Variants in NAALADL2 observed in about 807,000 individuals in gnomAD.
The protein encoded by NAALADL2 is inactive N-acetylated-alpha-linked acidic dipeptidase-like protein 2.
In NAALADL2, 76 loss-of-function variants were observed where a neutral mutation model predicts 87.2. The observed-to-expected ratio is 0.87, with a 90% confidence interval of 0.72 to 1.05. NAALADL2 has a LOEUF of 1.05. NAALADL2 is among the 50% of genes least tolerant of loss of function. The pLI is 0.00. For missense variants in NAALADL2, 1,089 were observed against 945.8 expected, an observed-to-expected ratio of 1.15 and a Z score of -1.99; for synonymous variants, 354 against 331.0, an observed-to-expected ratio of 1.07 and a Z score of -0.75.
intron 12 of NAALADL2, among the ~76,000 whole-genome samples, chr3:175,746,685 A>C (rs1489317082): frequency 6.6e-6 from 1 of 152,196 alleles, no homozygotes; most frequent in Non-Finnish European, 1.5e-5. Context: ...TACCTTTTTC[A>C]TTTGACAAGG....
intron 2 of NAALADL2, among the ~76,000 whole-genome samples, chr3:174,611,217 A>G (rs552961243): frequency 6.6e-6 from 1 of 151,922 alleles, no homozygotes; most frequent in African/African-American, 2.4e-5. Context: ...CTAATGGTAA[A>G]TGATGAGTTA....
intron 4 of NAALADL2, among the ~76,000 whole-genome samples, chr3:175,274,591 G>C (rs1344151438): frequency 6.6e-6 from 1 of 152,096 alleles, no homozygotes; most frequent in African/African-American, 2.4e-5. Context: ...AGTGAGAAAA[G>C]GGAACCTAGT....
chr3:174,577,907 G>T (rs1715715633), intron 2 of NAALADL2, among the ~76,000 whole-genome samples: 1 of 152,006 alleles, frequency 6.6e-6, no homozygotes, highest in African/African-American at 2.4e-5. Flanking sequence ...TTAGTGAAAA[G>T]ATGGAGAATC....
At chr3:175,140,754 T>C (rs536707101) in intron 2 of NAALADL2, among the ~76,000 whole-genome samples, 2 of 152,132 alleles carry the variant, frequency 1.3e-5, no homozygotes, top group Non-Finnish European at 2.9e-5. Context: ...GTAAAGAGGT[T>C]TGGACTTCAT....
At chr3:175,551,854 T>G (rs1214884648) in intron 9 of NAALADL2, among the ~76,000 whole-genome samples, 1 of 141,844 alleles carries the variant, frequency 7.1e-6, no homozygotes, top group Non-Finnish European at 1.5e-5. Context: ...ACCTGGGAGG[T>G]GGAGCTTGCA....
intron 1 of NAALADL2, among the ~76,000 whole-genome samples, chr3:175,093,412 T>TATATATATATATATATATA (rs1720507064): frequency 6.6e-5 from 3 of 45,306 alleles, no homozygotes; most frequent in African/African-American, 1.2e-4. Flanking sequence ...TTCATTTTAT[T>TATATATATATATATATATA]TTTTTATATA....
At chr3:174,928,878 C>T (rs1012930543) in intron 1 of NAALADL2, among the ~76,000 whole-genome samples, 4 of 152,236 alleles carry the variant, frequency 2.6e-5, no homozygotes, top group African/African-American at 9.6e-5. Context: ...TCATGTTTGA[C>T]TCATTGATTA....
At chr3:175,284,467 T>C (rs1754736077) in intron 4 of NAALADL2, among the ~76,000 whole-genome samples, 1 of 152,068 alleles carries the variant, frequency 6.6e-6, no homozygotes, top group Non-Finnish European at 1.5e-5. Flanking sequence ...ATGCAAGACT[T>C]AATGTATGGC....
chr3:174,449,370 A>C (rs1031789143), intron 1 of NAALADL2, among the ~76,000 whole-genome samples: 29 of 152,342 alleles, frequency 1.9e-4, no homozygotes, highest in African/African-American at 7.0e-4. Flanking sequence ...AAAACAAAAA[A>C]CAAAAGCACT....
chr3:175,262,895 G>A (rs1030299462), intron 4 of NAALADL2, among the ~76,000 whole-genome samples: 3 of 149,822 alleles, frequency 2.0e-5, no homozygotes, highest in South Asian at 2.1e-4. Context: ...GACATTTTAT[G>A]AACAAAAATG....
At chr3:174,528,211 A>G (rs1238632664) in intron 1 of NAALADL2, among the ~76,000 whole-genome samples, 1 of 152,200 alleles carries the variant, frequency 6.6e-6, no homozygotes, top group Non-Finnish European at 1.5e-5. Flanking sequence ...CAAAGCAGCA[A>G]TAGTACTGAA....
chr3:174,595,666 C>T (rs1346081198), intron 2 of NAALADL2, among the ~76,000 whole-genome samples: 2 of 152,130 alleles, frequency 1.3e-5, no homozygotes, highest in African/African-American at 2.4e-5. Context: ...GCAGCTTCTC[C>T]CTCTGTTGCT....
intron 10 of NAALADL2, among the ~76,000 whole-genome samples, chr3:175,588,959 A>C (rs1244934825): frequency 1.3e-5 from 2 of 152,236 alleles, no homozygotes; most frequent in Admixed American, 6.5e-5. Flanking sequence ...TACTTTGAAA[A>C]GTTTGTAGAA....
intron 2 of NAALADL2, among the ~76,000 whole-genome samples, chr3:175,147,537 T>C (rs1730918618): frequency 6.6e-6 from 1 of 152,136 alleles, no homozygotes; most frequent in Admixed American, 6.6e-5. Flanking sequence ...TTGTGAATAG[T>C]GCTGCAATGA....
intron 2 of NAALADL2, among the ~76,000 whole-genome samples, chr3:174,639,283 T>C (rs12488434): frequency 0.37 from 56,257 of 152,108 alleles, 11,242 homozygotes; most frequent in Middle Eastern, 0.48. Flanking sequence ...TGTTCACCTG[T>C]ATGTTTATTT....
chr3:175,239,460 G>A (rs1259783914), intron 3 of NAALADL2, among the ~76,000 whole-genome samples: 1 of 152,148 alleles, frequency 6.6e-6, no homozygotes, highest in Non-Finnish European at 1.5e-5. Flanking sequence ...TGAAACACCA[G>A]CAGATGTAGA....
At chr3:174,715,212 C>T (rs1019089530) in intron 2 of NAALADL2, among the ~76,000 whole-genome samples, 1 of 152,074 alleles carries the variant, frequency 6.6e-6, no homozygotes, top group Admixed American at 6.6e-5. Context: ...CTAGTTATAC[C>T]TTCCAACTAT....
At chr3:175,620,591 C>T (rs570779027) in intron 10 of NAALADL2, among the ~76,000 whole-genome samples, 1 of 152,296 alleles carries the variant, frequency 6.6e-6, no homozygotes, top group East Asian at 1.9e-4. Flanking sequence ...AGGAGTAACA[C>T]TCAGTGGCTT....
intron 2 of NAALADL2, among the ~76,000 whole-genome samples, chr3:175,125,534 T>C (rs1246499228): frequency 6.6e-6 from 1 of 152,060 alleles, no homozygotes; most frequent in Non-Finnish European, 1.5e-5. Flanking sequence ...GAAGGTCAAA[T>C]GAACGGGATC....
Sources: allele counts gnomAD v4.1 joint callset (sites outside exome capture counted in the v4.1 genomes callset), GRCh38; gene constraint gnomAD v4.1.1; transcripts MANE v1.5; gene names NCBI Gene and HGNC (gene_info 2026-07-23, HGNC 2026-07-21).